The following TFIP11 variants were observed in gnomAD, a reference collection of about 807,000 sequenced individuals.
TFIP11 encodes tuftelin interacting protein 11, also known as tuftelin-interacting protein 11.
A neutral mutation model predicts 96.8 loss-of-function variants in TFIP11; 86 were observed. The observed-to-expected ratio is 0.89, with a 90% CI of 0.75 to 1.06. The LOEUF is 1.06. TFIP11 is among the 50% of genes least tolerant of loss of function. The pLI, the probability that TFIP11 is intolerant of heterozygous loss-of-function variation, is 0.00. For missense variants in TFIP11, 881 were observed against 1,076.7 expected, an observed-to-expected ratio of 0.82 and a Z score of 2.54; for synonymous variants, 405 against 395.2, an observed-to-expected ratio of 1.02 and a Z score of -0.29.
intron 10 of TFIP11, among the ~76,000 whole-genome samples, chr22:26,497,235 C>T (rs1191537878): frequency 6.6e-6 from 1 of 152,202 alleles, no homozygotes; most frequent in Non-Finnish European, 1.5e-5. Context: ...ACAATTTCAA[C>T]GTCACCTCCC....
rs182511018 is a variant in TFIP11 at position 26,494,895 on chromosome 22, T to C, written c.1894A>G (p.Met632Val). 3.9e-5 allele frequency: 63 copies of C among 1,614,176 alleles called. No individual in the cohort carries two copies. The highest frequency in any genetic ancestry group is 5.2e-5 in the Non-Finnish European group (61 of 1,180,030). The change falls in exon 13 of 15, where the codon ATG (methionine) becomes GTG (valine). Residue 632 changes from methionine to valine, a missense_variant. By Grantham distance (21) the Met-to-Val change is conservative (BLOSUM62 1). Coordinates refer to ENST00000407690, the MANE Select transcript of TFIP11 (RefSeq NM_012143.4). The stretch of plus-strand genomic sequence containing the variant: ...TCAATCACCCAATAGAATGCATCCA[T>C]GTGCTGCTGGTGGGGGTTAATGACT... ...ELVINPHQQH[M>V]DAFYWVIDWE...
chr22:26,499,028 C>A lies in TFIP11; in HGVS notation c.1330-53G>T, dbSNP rs915263056. 1.9e-6 allele frequency: 3 copies of A among 1,610,028 alleles called. No individual in the cohort carries two copies. In the African/African-American group the frequency reaches 4.0e-5, roughly 22 times the overall value. ...GCAGCGGGCTCTCCAGCCCTCCCTG[C>A]CCATTGAACCAACTCATCAAGCAAG... is the stretch of plus-strand genomic sequence containing the variant. On this transcript the variant is annotated intron_variant, in intron 9 of 14. Coordinates refer to ENST00000407690, the MANE Select transcript of TFIP11 (RefSeq NM_012143.4).
rs1268586813 is a variant in TFIP11 at position 26,502,014 on chromosome 22, T to C, written c.687A>G (p.Pro229=). ...ATTTGGGCTTCTTCTTGCTTCCACTTGGGTCTTTCCTCCACTGGCTCAGCT... is the reference window on the plus strand; with the variant it reads ...ATTTGGGCTTCTTCTTGCTTCCACTCGGGTCTTTCCTCCACTGGCTCAGCT... The part of the protein sequence containing the change: ...QKELSQWRKD[P]SGSKKKPKYS... The change falls in exon 8 of 15, where the codon CCA becomes CCG. Residue 229 remains proline, a synonymous_variant. Coordinates refer to ENST00000407690, the MANE Select transcript of TFIP11 (RefSeq NM_012143.4). The C allele has an allele frequency of 6.2e-7, 1 of 1,613,850 alleles. No homozygotes were observed. Among genetic ancestry groups the C allele is most frequent in the Non-Finnish European group, 8.5e-7 (1 of 1,180,008 alleles).
At chr22:26,495,565 CAT>C (rs200275393) in intron 12 of TFIP11, among the ~76,000 whole-genome samples, 1,561 of 60,964 alleles carry the variant, frequency 0.026, 92 homozygotes, top group African/African-American at 0.072. Flanking sequence ...TATATATACA[CAT>C]ATATATATGT....
In TFIP11 at chr22:26,494,310, A is replaced by G. The variant is rs1436256857; in HGVS notation, c.1993-6T>C. On this transcript the variant is annotated splice_polypyrimidine_tract_variant and splice_region_variant and intron_variant, in intron 13 of 14. Coordinates refer to ENST00000407690, the MANE Select transcript of TFIP11 (RefSeq NM_012143.4). Reference sequence around the variant, plus strand: ...CTGAGCCAAGAGCACAGCACCTGCCAAAAAGAAAAATTACTTGCATCCATC... The same window carrying G: ...CTGAGCCAAGAGCACAGCACCTGCCGAAAAGAAAAATTACTTGCATCCATC... 6.2e-7 allele frequency: 1 copy of G among 1,614,222 alleles called. No individual in the cohort carries two copies. The highest frequency in any genetic ancestry group is 8.5e-7 in the Non-Finnish European group (1 of 1,180,036).
At chr22:26,495,672 A>G (rs1336852014) in intron 12 of TFIP11, among the ~76,000 whole-genome samples, 5 of 60,234 alleles carry the variant, frequency 8.3e-5, no homozygotes, top group African/African-American at 2.6e-4. Context: ...GTGTGTATAT[A>G]TATACATATA....
At chr22:26,507,823 T>A (rs1279065722) in intron 4 of TFIP11, among the ~76,000 whole-genome samples, 1 of 151,994 alleles carries the variant, frequency 6.6e-6, no homozygotes, top group African/African-American at 2.4e-5. Context: ...AAGAAAAAAT[T>A]ACAATAAAAA....
intron 6 of TFIP11, among the ~76,000 whole-genome samples, chr22:26,504,788 T>C (rs1472404650): frequency 6.6e-6 from 1 of 151,956 alleles, no homozygotes; most frequent in Non-Finnish European, 1.5e-5. Context: ...TTAATAATTA[T>C]TTAGAGGCCA....
intron 11 of TFIP11, 56 bp from the exon 12 acceptor site, chr22:26,496,372 C>G: frequency 6.5e-7 from 1 of 1,537,902 alleles, no homozygotes; most frequent in Non-Finnish European, 8.8e-7. Flanking sequence ...TCACATAACA[C>G]CCCTGTGTGG....
rs1406790540 is a variant in TFIP11, at chr22:26,510,641, T to C, written c.-34A>G. 5.3e-6 allele frequency: 1 copy of C among 188,290 alleles called. No individual in the cohort carries two copies. Among genetic ancestry groups the C allele is most frequent in the African/African-American group, 2.3e-5 (1 of 42,564 alleles). The allele number at this position is 188,290 out of a possible 1,614,324, so 11.7% of individuals were successfully genotyped here. ...CCTTAGAAAATGAGTAGGTATCTTC[T>C]TAGATCCCAGATTCTTTTTTCTATT... On this transcript the variant is annotated 5_prime_UTR_variant, in exon 3 of 15. Transcript: ENST00000407690.
chr22:26,503,822 A>G, intron 6 of TFIP11, 29 bp from the exon 7 acceptor site: 1 of 1,609,500 alleles, frequency 6.2e-7, no homozygotes, highest in Non-Finnish European at 8.5e-7. Context: ...AAAAAAAGAG[A>G]GTCTTACGAT....
chr22:26,507,737 A>G (rs543899291), intron 4 of TFIP11, among the ~76,000 whole-genome samples: 10 of 152,280 alleles, frequency 6.6e-5, no homozygotes, highest in African/African-American at 2.4e-4. Context: ...TGCTTCAAGT[A>G]CTTACATTAA....
intron 6 of TFIP11, 200 bp downstream of exon 6, chr22:26,506,103 C>T: frequency 2.0e-6 from 1 of 508,234 alleles, no homozygotes; most frequent in Non-Finnish European, 3.3e-6. Context: ...TAACCCTTTC[C>T]TTGCTGTTGA....
rs1014398963 is a variant in TFIP11 at position 26,491,816 on chromosome 22, A to C, written c.*197T>G. On this transcript the variant is annotated 3_prime_UTR_variant, in exon 15 of 15. Transcript: ENST00000407690. ...TGTCCTGTTTTGAGGACGATACCCC[A>C]CATGAGGACTTGGTATAAAGATTCC... is the stretch of plus-strand genomic sequence containing the variant. 7 of 920,238 alleles carry C rather than the reference A, an allele frequency of 7.6e-6. No homozygotes were observed. The highest frequency in any genetic ancestry group is 1.7e-5 in the African/African-American group (1 of 59,882). The allele number at this position is 920,238 out of a possible 1,614,324, so 57.0% of individuals were successfully genotyped here. A position where few individuals can be genotyped will look rare whatever the true frequency, so the allele number is the denominator to read the frequency against.
rs1014586536 is a variant in TFIP11, at chr22:26,491,241, T to C, written c.*772A>G. The C allele has an allele frequency of 1.3e-6, 1 of 767,546 alleles. No homozygotes were observed. The highest frequency in any genetic ancestry group is 1.8e-5 in the African/African-American group (1 of 56,872). 47.5% of individuals were successfully genotyped at this position (767,546 alleles called of 1,614,324 possible). A position where few individuals can be genotyped will look rare whatever the true frequency, so the allele number is the denominator to read the frequency against. Reference sequence around the variant, plus strand: ...AGCTATGACTCTTTAATGCATCTCTTAGTTTTTTCCTTATTTCCTTTATTC... The same window carrying C: ...AGCTATGACTCTTTAATGCATCTCTCAGTTTTTTCCTTATTTCCTTTATTC... On this transcript the variant is annotated 3_prime_UTR_variant, in exon 15 of 15. Coordinates refer to ENST00000407690, the MANE Select transcript of TFIP11 (RefSeq NM_012143.4).
chr22:26,495,935 AC>A (rs1921961187), intron 12 of TFIP11, 137 bp downstream of exon 12: 1 of 1,307,076 alleles, frequency 7.7e-7, no homozygotes, highest in Non-Finnish European at 1.0e-6. Flanking sequence ...ACAAAATGTT[AC>A]CTTTTTCACA....
chr22:26,506,266 CCCT>C (rs1213903952), intron 6 of TFIP11, 34 bp downstream of exon 6: 25 of 1,549,280 alleles, frequency 1.6e-5, no homozygotes, highest in African/African-American at 2.8e-5. Flanking sequence ...CCTATGCCTG[CCCT>C]CCTCCATCAT....
chr22:26,504,159 A>G (rs866424326), intron 6 of TFIP11, among the ~76,000 whole-genome samples: 1 of 152,222 alleles, frequency 6.6e-6, no homozygotes, highest in South Asian at 2.1e-4. Context: ...GGAAAATGCA[A>G]TAATTCCAAT....
intron 6 of TFIP11, among the ~76,000 whole-genome samples, chr22:26,505,694 TTCTA>T (rs1923310601): frequency 1.6e-5 from 2 of 126,532 alleles, no homozygotes; most frequent in Admixed American, 9.3e-5. Context: ...TTTTTATTTA[TTCTA>T]TTTATTTATT....
Sources: gnomAD v4.1 joint callset for allele counts (sites outside exome capture counted in the v4.1 genomes callset) on GRCh38, gnomAD v4.1.1 for gene constraint, MANE v1.5 for transcripts, NCBI Gene and HGNC (gene_info 2026-07-23, HGNC 2026-07-21) for gene names.